The following ARHGDIB variants were observed in gnomAD, a reference collection of about 807,000 sequenced individuals.
ARHGDIB encodes Rho GDP dissociation inhibitor beta.
In ARHGDIB, 20 loss-of-function variants were observed where a neutral mutation model predicts 22.6. The ratio of observed to expected loss-of-function variants is 0.88; its 90% CI spans 0.62 to 1.28. The LOEUF (loss-of-function observed/expected upper bound fraction) is 1.28, where lower values mean the gene tolerates loss of function less well. Ranked by LOEUF, ARHGDIB falls within the 50% of genes most tolerant of loss-of-function variation. The pLI is 0.00. For missense variants in ARHGDIB, 254 were observed against 245.4 expected (o/e 1.04, Z -0.23); for synonymous variants, 114 against 96.1 (o/e 1.19, Z -1.09).
chr12:14,942,717 A>ATGGT lies in ARHGDIB; in HGVS notation c.410_411insACCA (p.Asp137GlufsTer3). 1 of 1,613,858 alleles carries ATGGT rather than the reference A, an allele frequency of 6.2e-7. No homozygotes were observed. Among genetic ancestry groups the ATGGT allele is most frequent in the Non-Finnish European group, 8.5e-7 (1 of 1,179,982 alleles). ...AGCTGCCAACCATAAATGTTGCTTT[A>ATGGT]TCCACTAAGAAGAAAGAAGAGTTCA... On this transcript the variant is annotated frameshift_variant, in exon 6 of 6. Transcript: ENST00000228945. LOFTEE classifies it high-confidence loss of function.
intron 1 of ARHGDIB, among the ~76,000 whole-genome samples, chr12:14,954,725 T>C (rs981505176): frequency 1.3e-5 from 2 of 152,236 alleles, no homozygotes; most frequent in African/African-American, 4.8e-5. Context: ...TAAGTTACCA[T>C]TCAGTTACCT....
At chr12:14,948,100 G>GCGCGCGCGCACA (rs71926892) in intron 3 of ARHGDIB, 151 bp from the exon 4 acceptor site, 41 of 437,526 alleles carry the variant, frequency 9.4e-5, no homozygotes, top group African/African-American at 8.4e-4. Context: ...TTTAGTCCTT[G>GCGCGCGCGCACA]CACACACACA....
At chr12:14,952,068 C>T (rs779707430) in intron 1 of ARHGDIB, among the ~76,000 whole-genome samples, 3 of 152,070 alleles carry the variant, frequency 2.0e-5, no homozygotes, top group Non-Finnish European at 4.4e-5. Context: ...GTGGTTAAAG[C>T]CTTCATTGCT....
At chr12:14,948,114 A>G (rs1431418147) in intron 3 of ARHGDIB, among the ~76,000 whole-genome samples, 165 bp from the exon 4 acceptor site, 2 of 151,764 alleles carry the variant, frequency 1.3e-5, no homozygotes, top group Admixed American at 6.6e-5. Context: ...ACACACACAC[A>G]CACACACACA....
At chr12:14,956,118 A>G (rs1263606868) in intron 1 of ARHGDIB, 1 of 152,188 alleles carries the variant, frequency 6.6e-6, no homozygotes. Flanking sequence ...TTATTGCTTC[A>G]GTCATCTTTA....
chr12:14,946,643 C>CCA lies in ARHGDIB; in HGVS notation c.342+1228_342+1229dup, dbSNP rs146599068. On this transcript the variant is annotated intron_variant, in intron 4 of 5. Transcript: ENST00000228945. ...GCATCATCCTAATGTGTAAACCTGT[C>CCA]CACACAGACCCACATACCACATTCC... Among the ~76,000 whole-genome samples the CCA allele has an allele frequency of 3.7e-3, 566 of 152,070 alleles. 4 individuals are homozygous for CCA. The highest frequency in any genetic ancestry group is 0.012 in the African/African-American group (518 of 41,552).
At chr12:14,947,635 C>G in intron 4 of ARHGDIB, 1 of 455,630 alleles carries the variant, frequency 2.2e-6, no homozygotes. Flanking sequence ...ACAGAGGGAT[C>G]CCATTGGCTT....
At chr12:14,950,409 G>T in intron 2 of ARHGDIB, 123 bp downstream of exon 2, 2 of 792,352 alleles carry the variant, frequency 2.5e-6, no homozygotes, top group Non-Finnish European at 4.1e-6. Flanking sequence ...TATAAATTGT[G>T]CCTCGCTCAC....
At chr12:14,948,053 A>G in intron 3 of ARHGDIB, 104 bp from the exon 4 acceptor site, 1 of 809,774 alleles carries the variant, frequency 1.2e-6, no homozygotes, top group South Asian at 1.4e-5. Flanking sequence ...CGAGGGCAAC[A>G]TGGTTCACAG....
In ARHGDIB at chr12:14,950,566, C is replaced by T; in HGVS notation, c.147G>A (p.Lys49=). ...CAGGACCATCTCCCAGCAGCGTTTT[C>T]TTGTACTTAATTAGACTCTCATCAT... The part of the protein sequence containing the change: ...DKDDESLIKY[K]KTLLGDGPVV... Residue 49 remains lysine, a synonymous_variant, in exon 2 of 6, where the codon AAG becomes AAA. Transcript: ENST00000228945. 1 of 1,613,882 alleles carries T rather than the reference C, an allele frequency of 6.2e-7. No individual in the cohort carries two copies. Among genetic ancestry groups the T allele is most frequent in the Non-Finnish European group, 8.5e-7 (1 of 1,179,870 alleles).
intron 1 of ARHGDIB, among the ~76,000 whole-genome samples, chr12:14,958,098 G>A (rs1864338374): frequency 6.6e-6 from 1 of 152,164 alleles, no homozygotes; most frequent in African/African-American, 2.4e-5. Flanking sequence ...AAACACTGTT[G>A]ACATTTCAGA....
chr12:14,949,976 TA>T, intron 2 of ARHGDIB, 91 bp from the exon 3 acceptor site: 1 of 1,151,404 alleles, frequency 8.7e-7, no homozygotes. Flanking sequence ...AGTATGAAAA[TA>T]AAAGTGATCT....
chr12:14,943,323 G>A (rs759326454), intron 5 of ARHGDIB, among the ~76,000 whole-genome samples: 33 of 151,818 alleles, frequency 2.2e-4, no homozygotes, highest in Non-Finnish European at 3.4e-4. Context: ...CTACAAAGTT[G>A]ATTCTGAGGT....
intron 1 of ARHGDIB, among the ~76,000 whole-genome samples, chr12:14,958,714 G>T (rs1360200144): frequency 6.6e-6 from 1 of 152,196 alleles, no homozygotes; most frequent in Non-Finnish European, 1.5e-5. Flanking sequence ...AATTGAGAGA[G>T]AATTTTTTTT....
At chr12:14,943,313 C>T (rs1210018941) in intron 5 of ARHGDIB, among the ~76,000 whole-genome samples, 1 of 151,836 alleles carries the variant, frequency 6.6e-6, no homozygotes, top group East Asian at 1.9e-4. Flanking sequence ...TTTTAAAAAA[C>T]TACAAAGTTG....
At chr12:14,959,155 A>G (rs1592297249) in intron 1 of ARHGDIB, among the ~76,000 whole-genome samples, 1 of 152,178 alleles carries the variant, frequency 6.6e-6, no homozygotes, top group African/African-American at 2.4e-5. Context: ...ATGGTGGCTC[A>G]CGCCTTTAAT....
At chr12:14,948,477 T>C (rs1395146217) in intron 3 of ARHGDIB, among the ~76,000 whole-genome samples, 1 of 152,238 alleles carries the variant, frequency 6.6e-6, no homozygotes, top group Non-Finnish European at 1.5e-5. Flanking sequence ...AAGAAAATGT[T>C]CACCTTTGTG....
rs1175889151 is a variant in ARHGDIB at position 14,949,786 on chromosome 12, A to G, written c.265+16T>C. The G allele has an allele frequency of 1.2e-6, 2 of 1,612,140 alleles. No individual in the cohort carries two copies. The highest frequency in any genetic ancestry group is 1.1e-5 in the South Asian group (1 of 91,052). On this transcript the variant is annotated intron_variant, in intron 3 of 5. Coordinates refer to ENST00000228945, the MANE Select transcript of ARHGDIB (RefSeq NM_001175.7). ...ATCTTAGGCCCCCTTTGAACAGTAC[A>G]GATGTGTCTACATACCAGTAAGGTC...
rs56206040 is a variant in ARHGDIB, at chr12:14,948,100, G to GCACACACA, written c.266-159_266-152dup. 1,954 of 437,356 alleles carry GCACACACA rather than the reference G, an allele frequency of 4.5e-3. 54 individuals are homozygous for GCACACACA. The Admixed American group carries it at 0.047, about 11-fold the overall frequency. 27.1% of individuals were successfully genotyped at this position (437,356 alleles called of 1,614,324 possible). On this transcript the variant is annotated intron_variant, in intron 3 of 5. Coordinates refer to ENST00000228945, the MANE Select transcript of ARHGDIB (RefSeq NM_001175.7). ...CACAGAGTATTTGAGTTTAGTCCTTGCACACACACACACACACACACACAC... is the reference window on the plus strand; with the variant it reads ...CACAGAGTATTTGAGTTTAGTCCTTGCACACACACACACACACACACACACACACACAC...
Sources: allele counts gnomAD v4.1 joint callset (sites outside exome capture counted in the v4.1 genomes callset), GRCh38; gene constraint gnomAD v4.1.1; transcripts MANE v1.5; gene names NCBI Gene and HGNC (gene_info 2026-07-23, HGNC 2026-07-21).